The following ANKS1B variants were observed in gnomAD, a reference collection of about 807,000 sequenced individuals.
ANKS1B encodes ankyrin repeat and sterile alpha motif domain-containing protein 1B.
Under a neutral mutation model 148.3 loss-of-function variants are expected in ANKS1B, and 36 were observed. That is an observed-to-expected ratio of 0.24 (90% CI 0.19 to 0.32). The LOEUF (loss-of-function observed/expected upper bound fraction) is 0.32, where lower values mean the gene tolerates loss of function less well. Among genes scored for constraint, ANKS1B ranks in the 10% least tolerant of loss-of-function variants. ANKS1B has a pLI of 1.00. For missense variants in ANKS1B, 1,157 were observed against 1,542.6 expected (o/e 0.75, Z 4.19); for synonymous variants, 542 against 560.8 (o/e 0.97, Z 0.47).
intron 16 of ANKS1B, among the ~76,000 whole-genome samples, chr12:99,062,756 T>G (rs1340461219): frequency 1.3e-5 from 2 of 151,924 alleles, no homozygotes; most frequent in African/African-American, 4.8e-5. Context: ...GGTAAAGAAA[T>G]GAGGACTCAG....
intron 17 of ANKS1B, among the ~76,000 whole-genome samples, chr12:98,970,568 T>C (rs1274416312): frequency 6.6e-6 from 1 of 152,208 alleles, no homozygotes; most frequent in Non-Finnish European, 1.5e-5. Context: ...TGTGTCAACT[T>C]TTCTGTACTA....
At position 99,358,600 on chromosome 12, in the gene ANKS1B, G is replaced by A. The variant is rs1304784742; in HGVS notation, c.1756+41031C>T. ...ATATCTAGACCCTACTAGTACCACA[G>A]TTTTTAACTGGTAAGTTTAACACAT... On this transcript the variant is annotated intron_variant, in intron 12 of 26. Coordinates refer to ENST00000683438, the MANE Select transcript of ANKS1B (RefSeq NM_001352186.2). Among the ~76,000 whole-genome samples, 6 of 151,976 alleles carry A rather than the reference G, an allele frequency of 3.9e-5. No homozygotes were observed. In the East Asian group the frequency reaches 9.7e-4, roughly 24 times the overall value.
chr12:99,728,924 G>A (rs538936777), intron 8 of ANKS1B, among the ~76,000 whole-genome samples: 1 of 152,086 alleles, frequency 6.6e-6, no homozygotes, highest in Non-Finnish European at 1.5e-5. Flanking sequence ...TCATAAGTGG[G>A]AGCTAAACAA....
chr12:98,859,602 G>A (rs1171506977), intron 17 of ANKS1B, among the ~76,000 whole-genome samples: 1 of 152,162 alleles, frequency 6.6e-6, no homozygotes, highest in African/African-American at 2.4e-5. Flanking sequence ...GTATAATTTG[G>A]ATGTTGACTC....
chr12:99,735,236 C>T (rs769766222), intron 8 of ANKS1B, among the ~76,000 whole-genome samples: 7 of 151,508 alleles, frequency 4.6e-5, no homozygotes, highest in Non-Finnish European at 8.8e-5. Context: ...AAGCCAAATC[C>T]CAAAGTTAGC....
At chr12:99,473,858 G>C (rs994648562) in intron 10 of ANKS1B, among the ~76,000 whole-genome samples, 17 of 151,976 alleles carry the variant, frequency 1.1e-4, no homozygotes, top group Admixed American at 6.6e-5. Flanking sequence ...CATTTTAAAA[G>C]TATTTTGTGA....
chr12:99,554,106 A>C (rs1459958365), intron 9 of ANKS1B, among the ~76,000 whole-genome samples: 1 of 152,196 alleles, frequency 6.6e-6, no homozygotes, highest in Non-Finnish European at 1.5e-5. Context: ...CAAATCCAGA[A>C]GGGCTCATCT....
chr12:98,741,174 A>G (rs2097796735), downstream of ANKS1B, among the ~76,000 whole-genome samples: 1 of 152,176 alleles, frequency 6.6e-6, no homozygotes, highest in Non-Finnish European at 1.5e-5. Context: ...ATACTTCCCA[A>G]AACAAACCTG....
At chr12:98,956,558 C>G (rs766329059) in intron 17 of ANKS1B, among the ~76,000 whole-genome samples, 1 of 151,988 alleles carries the variant, frequency 6.6e-6, no homozygotes, top group Non-Finnish European at 1.5e-5. Context: ...CCCCATCCCC[C>G]CCGTCACTCC....
intron 17 of ANKS1B, among the ~76,000 whole-genome samples, chr12:98,967,891 T>A (rs1369960808): frequency 6.6e-6 from 1 of 152,066 alleles, no homozygotes; most frequent in Non-Finnish European, 1.5e-5. Context: ...GGAGTACTGA[T>A]TTATTTTCCT....
chr12:98,780,267 T>C (rs1283050795), intron 24 of ANKS1B, among the ~76,000 whole-genome samples: 3 of 152,222 alleles, frequency 2.0e-5, no homozygotes, highest in Admixed American at 6.5e-5. Flanking sequence ...TCACCTCTTT[T>C]ACCCTCCTTC....
chr12:98,951,347 G>T (rs1425349805), intron 17 of ANKS1B, among the ~76,000 whole-genome samples: 1 of 152,140 alleles, frequency 6.6e-6, no homozygotes. Context: ...ATATGCCTGT[G>T]ACAGTTTTCA....
chr12:99,786,724 T>TCTG (rs2065046973), intron 4 of ANKS1B, among the ~76,000 whole-genome samples: 1 of 152,106 alleles, frequency 6.6e-6, no homozygotes, highest in Non-Finnish European at 1.5e-5. Flanking sequence ...ATATAAATGC[T>TCTG]TAGAAAAAAG....
At chr12:99,910,624 G>C (rs960112633) in intron 1 of ANKS1B, among the ~76,000 whole-genome samples, 1 of 152,064 alleles carries the variant, frequency 6.6e-6, no homozygotes, top group African/African-American at 2.4e-5. Flanking sequence ...TCTAAAATTA[G>C]ACTGTGGTAG....
chr12:99,172,391 T>C (rs1164127578), intron 14 of ANKS1B, among the ~76,000 whole-genome samples: 2 of 152,090 alleles, frequency 1.3e-5, no homozygotes, highest in East Asian at 1.9e-4. Flanking sequence ...AAACTGGAAG[T>C]GGAAAGGTAT....
chr12:98,745,943 C>A, intron 26 of ANKS1B, 94 bp from the exon 27 acceptor site: 1 of 1,360,410 alleles, frequency 7.4e-7, no homozygotes, highest in African/African-American at 1.5e-5. Flanking sequence ...CGAGGCCCCT[C>A]GCCCCAGGCG....
chr12:98,736,476 G>T (rs1419888654), intron 9 of ANKS1B, among the ~76,000 whole-genome samples: 1 of 152,212 alleles, frequency 6.6e-6, no homozygotes, highest in Non-Finnish European at 1.5e-5. Flanking sequence ...TGCGGACGCG[G>T]TAAGTTTGAG....
intron 17 of ANKS1B, among the ~76,000 whole-genome samples, chr12:98,834,006 T>C (rs77495967): frequency 0.022 from 3,287 of 152,308 alleles, 75 homozygotes; most frequent in East Asian, 0.097. Flanking sequence ...TACGGGCCTT[T>C]TGGCCTAAAC....
chr12:99,009,655 G>T (rs2099938126), intron 17 of ANKS1B, among the ~76,000 whole-genome samples: 1 of 152,064 alleles, frequency 6.6e-6, no homozygotes, highest in Admixed American at 6.6e-5. Context: ...ATAAGGCAGG[G>T]TGGGCCAGGC....
Sources: gnomAD v4.1 joint callset for allele counts (sites outside exome capture counted in the v4.1 genomes callset) on GRCh38, gnomAD v4.1.1 for gene constraint, MANE v1.5 for transcripts, NCBI Gene and HGNC (gene_info 2026-07-23, HGNC 2026-07-21) for gene names.